ZNF407: variants seen among roughly 807,000 people sequenced by gnomAD.
The protein encoded by ZNF407 is zinc finger protein 407.
In ZNF407, 17 loss-of-function variants were observed where a neutral mutation model predicts 131.2. That is an observed-to-expected ratio of 0.13 (90% CI 0.09 to 0.19). ZNF407 has a LOEUF of 0.19. ZNF407 is among the 10% of genes least tolerant of loss of function. The pLI is 1.00. For missense variants in ZNF407, 2,681 were observed against 2,830.6 expected, an observed-to-expected ratio of 0.95 and a Z score of 1.20; for synonymous variants, 1,156 against 1,062.0, an observed-to-expected ratio of 1.09 and a Z score of -1.72.
chr18:74,903,790 A>G (rs941306671), intron 7 of ZNF407, among the ~76,000 whole-genome samples: 1 of 152,242 alleles, frequency 6.6e-6, no homozygotes, highest in East Asian at 1.9e-4. Flanking sequence ...TCAATATGTA[A>G]GGCTAATTCT....
In ZNF407 at chr18:74,803,356, C is replaced by G. The variant is rs560036017; in HGVS notation, c.4877+21854C>G. On this transcript the variant is annotated intron_variant, in intron 4 of 8. Transcript: ENST00000299687. ...TCCAGCCCTCTGGTTCATTGCAGTGCTAGTGCTGGTGCTGGTCCTGTCATC... is the reference window on the plus strand; with the variant it reads ...TCCAGCCCTCTGGTTCATTGCAGTGGTAGTGCTGGTGCTGGTCCTGTCATC... Among the ~76,000 whole-genome samples, 77 of 152,274 alleles carry G rather than the reference C, an allele frequency of 5.1e-4. 2 individuals carry two copies. In the South Asian group the frequency reaches 0.015, roughly 30 times the overall value.
At chr18:74,803,027 A>G (rs1970047412) in intron 4 of ZNF407, among the ~76,000 whole-genome samples, 1 of 152,078 alleles carries the variant, frequency 6.6e-6, no homozygotes, top group Admixed American at 6.5e-5. Context: ...TTATAATGTT[A>G]CCTTTCTTTT....
At chr18:74,679,123 G>T (rs1202125005) in intron 3 of ZNF407, among the ~76,000 whole-genome samples, 1 of 152,168 alleles carries the variant, frequency 6.6e-6, no homozygotes, top group African/African-American at 2.4e-5. Context: ...AATAGTCTTT[G>T]CAATGACCTC....
In ZNF407 at chr18:74,877,303, A is replaced by G. The variant is rs1434546400; in HGVS notation, c.4984A>G (p.Thr1662Ala). The G allele has an allele frequency of 1.2e-6, 2 of 1,613,948 alleles. No individual in the cohort carries two copies. Among genetic ancestry groups the G allele is most frequent in the Admixed American group, 1.7e-5 (1 of 60,028 alleles). ...GEKPFKCTWP[T>A]CHYSFLTASA... ...AAAGCCGTTTAAATGTACCTGGCCCACGTGCCATTACTCATTCCTCACAGC... is the reference window on the plus strand; with the variant it reads ...AAAGCCGTTTAAATGTACCTGGCCCGCGTGCCATTACTCATTCCTCACAGC... Residue 1662 changes from threonine (T) to alanine (A), a missense_variant, in exon 5 of 9, where the codon ACG (threonine) becomes GCG (alanine). By Grantham distance (58) the Thr-to-Ala change is moderately conservative. Around this residue, in one of 6 missense-constraint regions of ZNF407, gnomAD observed 213 missense variants for 332.2 expected, o/e 0.64. Coordinates refer to ENST00000299687, the MANE Select transcript of ZNF407 (RefSeq NM_017757.3).
intron 3 of ZNF407, among the ~76,000 whole-genome samples, chr18:74,735,880 CA>C (rs1396877728): frequency 6.6e-6 from 1 of 152,140 alleles, no homozygotes; most frequent in Non-Finnish European, 1.5e-5. Context: ...GTGCTTCTCT[CA>C]AAAATGGCTT....
rs562093664 is a variant in ZNF407, at chr18:75,006,747, A to G, written c.5429-56403A>G. Reference sequence around the variant, plus strand: ...TATTAATTGTGTCTTGCAATCATCTATATCCTCACTAATTTGTCTGCCATT... The same window carrying G: ...TATTAATTGTGTCTTGCAATCATCTGTATCCTCACTAATTTGTCTGCCATT... On this transcript the variant is annotated intron_variant, in intron 8 of 8. Transcript: ENST00000299687. Among the ~76,000 whole-genome samples, 17 of 152,256 alleles carry G rather than the reference A, an allele frequency of 1.1e-4. 2 individuals are homozygous for G. The highest frequency in any genetic ancestry group is 4.1e-4 in the African/African-American group (17 of 41,546).
intron 4 of ZNF407, among the ~76,000 whole-genome samples, chr18:74,830,699 G>A (rs978982264): frequency 1.3e-5 from 2 of 152,324 alleles, no homozygotes; most frequent in South Asian, 4.1e-4. Context: ...TGTATATTAT[G>A]TATGGTGATC....
chr18:74,817,804 G>A (rs1200030727), intron 4 of ZNF407, among the ~76,000 whole-genome samples: 1 of 152,144 alleles, frequency 6.6e-6, no homozygotes, highest in Non-Finnish European at 1.5e-5. Context: ...AAATCCTCCA[G>A]AGAAGCCTGT....
intron 3 of ZNF407, among the ~76,000 whole-genome samples, chr18:74,676,477 C>T (rs1420402633): frequency 3.3e-5 from 5 of 149,816 alleles, no homozygotes; most frequent in Admixed American, 6.7e-5. Context: ...CGCTCTGTCA[C>T]CCAGGCTGGA....
intron 3 of ZNF407, among the ~76,000 whole-genome samples, chr18:74,739,161 G>A (rs1017439709): frequency 1.3e-5 from 2 of 151,350 alleles, no homozygotes; most frequent in African/African-American, 4.8e-5. Flanking sequence ...TTAGATAGAT[G>A]TATATAAGAA....
chr18:74,713,506 G>A (rs1599091862), intron 3 of ZNF407, among the ~76,000 whole-genome samples: 1 of 151,290 alleles, frequency 6.6e-6, no homozygotes, highest in African/African-American at 2.4e-5. Flanking sequence ...TTATTTCTTA[G>A]ATATCCTCCT....
At chr18:74,613,900 C>T (rs1983171488) in intron 1 of ZNF407, among the ~76,000 whole-genome samples, 1 of 152,170 alleles carries the variant, frequency 6.6e-6, no homozygotes, top group South Asian at 2.1e-4. Flanking sequence ...TAATGCCAGT[C>T]TAACCATCAA....
chr18:74,768,089 G>A (rs1030441090), intron 3 of ZNF407, among the ~76,000 whole-genome samples: 13 of 151,958 alleles, frequency 8.6e-5, no homozygotes, highest in African/African-American at 3.1e-4. Context: ...ATACCTATTT[G>A]CCAAATAGTA....
chr18:75,044,071 C>A (rs879601389), intron 8 of ZNF407, among the ~76,000 whole-genome samples: 1 of 151,986 alleles, frequency 6.6e-6, no homozygotes, highest in Admixed American at 6.6e-5. Context: ...AGATTTTAAA[C>A]CCTGGGGCCA....
rs145004021 is a variant in ZNF407 at position 74,897,211 on chromosome 18, G to T, written c.5249+7173G>T. 1.5e-3 allele frequency among the ~76,000 whole-genome samples: 226 copies of T among 152,246 alleles called. 2 individuals carry two copies. The East Asian group carries it at 0.039, about 26-fold the overall frequency. ...ACAAAACAACCTTGTTTAAGTAAAA[G>T]ATCTTACAAACTTGAAAACAAATAG... On this transcript the variant is annotated intron_variant, in intron 7 of 8. Coordinates refer to ENST00000299687, the MANE Select transcript of ZNF407 (RefSeq NM_017757.3).
intron 8 of ZNF407, among the ~76,000 whole-genome samples, chr18:74,972,309 A>G (rs866895286): frequency 2.6e-5 from 4 of 152,106 alleles, no homozygotes; most frequent in African/African-American, 9.7e-5. Context: ...CGCCCTTCCC[A>G]GCTTCCCACC....
At chr18:74,674,942 G>A (rs1986296078) in intron 3 of ZNF407, among the ~76,000 whole-genome samples, 1 of 152,116 alleles carries the variant, frequency 6.6e-6, no homozygotes, top group Admixed American at 6.5e-5. Context: ...CTAGTCTTGA[G>A]TTTTTTTCTT....
intron 2 of ZNF407, among the ~76,000 whole-genome samples, chr18:74,637,101 A>G (rs2144681110): frequency 6.6e-6 from 1 of 152,352 alleles, no homozygotes; most frequent in African/African-American, 2.4e-5. Flanking sequence ...ATTCTCTTGT[A>G]ATTATAGTCA....
chr18:74,914,592 T>C (rs939646572), intron 7 of ZNF407, among the ~76,000 whole-genome samples: 2 of 152,220 alleles, frequency 1.3e-5, no homozygotes, highest in Admixed American at 6.5e-5. Flanking sequence ...TTCAGTCCTT[T>C]GGTAGTTTGC....
Sources: gnomAD v4.1 joint callset for allele counts (sites outside exome capture counted in the v4.1 genomes callset) on GRCh38, gnomAD v4.1.1 for gene constraint, gnomAD v4.1.1 regional missense constraint, MANE v1.5 for transcripts, NCBI Gene and HGNC (gene_info 2026-07-23, HGNC 2026-07-21) for gene names.